Variants in MYBPC3 observed in about 807,000 individuals in gnomAD.
The protein encoded by MYBPC3 is myosin binding protein C3, also known as myosin-binding protein C, cardiac-type.
A neutral mutation model predicts 159.3 loss-of-function variants in MYBPC3; 108 were observed. The ratio of observed to expected loss-of-function variants is 0.68; its 90% confidence interval spans 0.58 to 0.80. The LOEUF (loss-of-function observed/expected upper bound fraction) is 0.80, where lower values mean the gene tolerates loss of function less well. Among genes scored for constraint, MYBPC3 ranks in the 30% least tolerant of loss-of-function variants. MYBPC3 has a pLI of 0.00. For missense variants in MYBPC3, 1,631 were observed against 1,762.1 expected, an observed-to-expected ratio of 0.93 and a Z score of 1.33; for synonymous variants, 730 against 702.0, an observed-to-expected ratio of 1.04 and a Z score of -0.63.
At position 47,343,112 on chromosome 11, in the gene MYBPC3, G is replaced by C. The variant is rs1461148074; in HGVS notation, c.1260C>G (p.Thr420=). 6.2e-7 allele frequency: 1 copy of C among 1,611,806 alleles called. No homozygotes were observed. The highest frequency in any genetic ancestry group is 1.1e-5 in the South Asian group (1 of 90,616). Residue 420 remains threonine (T), a synonymous_variant, in exon 15 of 35, where the codon ACC becomes ACG. Coordinates refer to ENST00000545968, the MANE Select transcript of MYBPC3 (RefSeq NM_000256.3). ...CCAATGAGCACTGGCTGATGGTCAG[G>C]GTACGCTTGGCACCGATGGACTCAA... ...YIFESIGAKR[T]LTISQCSLAD...
At position 47,350,055 on chromosome 11, in the gene MYBPC3, C is replaced by A. The variant is rs1060501477; in HGVS notation, c.464G>T (p.Gly155Val). 1.3e-6 allele frequency: 2 copies of A among 1,564,218 alleles called. No individual in the cohort carries two copies. Among genetic ancestry groups the A allele is most frequent in the Non-Finnish European group, 1.7e-6 (2 of 1,154,058 alleles). The change falls in exon 4 of 35, where the codon GGC (glycine) becomes GTC (valine). Residue 155 changes from glycine (G) to valine (V), a missense_variant. Transcript: ENST00000545968. ...PTPGAPDDPIGLFVMRPQDGE... is the reference protein window; with the variant it reads ...PTPGAPDDPIVLFVMRPQDGE... ...ATCCTGTGGCCGCATCACGAAGAGG[C>A]CAATGGGGTCATCGGGGGCTCCAGG...
intron 6 of MYBPC3, 78 bp downstream of exon 6, chr11:47,348,346 T>C: frequency 9.3e-7 from 1 of 1,076,278 alleles, no homozygotes. Flanking sequence ...GGCATCCTCC[T>C]TAGTGTTGGG....
rs754902004 is a variant in MYBPC3, at chr11:47,342,008, C to T, written c.1773G>A (p.Lys591=). ...GKELVPDSRI[K]VSHIGRVHKL... is the part of the protein sequence containing the mutation. ...ACACTCACCGCCCGATGTGGGACAC[C>T]TTTATGCGGCTGTCGGGCACCAGCT... Residue 591 remains lysine (K), a synonymous_variant, in exon 18 of 35, where the codon AAG becomes AAA. Coordinates refer to ENST00000545968, the MANE Select transcript of MYBPC3 (RefSeq NM_000256.3). The T allele has an allele frequency of 6.4e-7, 1 of 1,573,888 alleles. No homozygotes were observed.
In MYBPC3 at chr11:47,333,687, G is replaced by A; in HGVS notation, c.3060C>T (p.Ser1020=). The change falls in exon 29 of 35, where the codon AGC becomes AGT. Residue 1020 remains serine, a synonymous_variant. Coordinates refer to ENST00000545968, the MANE Select transcript of MYBPC3 (RefSeq NM_000256.3). The part of the protein sequence containing the change: ...EGQPLAGEEV[S]IRNSPTDTIL... Reference sequence around the variant, plus strand: ...TGGTGTCTGTGGGGCTGTTGCGGATGCTCACCTCCTCGCCTGCCAGGGGCT... The same window carrying A: ...TGGTGTCTGTGGGGCTGTTGCGGATACTCACCTCCTCGCCTGCCAGGGGCT... 2 of 1,611,248 alleles carry A rather than the reference G, an allele frequency of 1.2e-6. No homozygotes were observed. Among genetic ancestry groups the A allele is most frequent in the Non-Finnish European group, 1.7e-6 (2 of 1,179,558 alleles).
rs397516086 is a variant in MYBPC3 at position 47,346,303 on chromosome 11, C to T, written c.994G>A (p.Glu332Lys). ...TACTGGAAGGCGATGCGCTCGTACTCAGATGGGGGTGCCTGCCGTAGGATC... is the reference window on the plus strand; with the variant it reads ...TACTGGAAGGCGATGCGCTCGTACTTAGATGGGGGTGCCTGCCGTAGGATC... ...WEILRQAPPS[E>K]YERIAFQYGV... The change falls in exon 12 of 35, where the codon GAG (glutamate) becomes AAG (lysine). Residue 332 changes from glutamate to lysine, a missense_variant. Glu to Lys is a moderately conservative substitution (Grantham distance 56). Coordinates refer to ENST00000545968, the MANE Select transcript of MYBPC3 (RefSeq NM_000256.3). The surrounding 1 kb of genome is among the most constrained non-coding windows in gnomAD (Gnocchi z 5.3). The T allele has an allele frequency of 3.3e-5, 53 of 1,613,086 alleles. No homozygotes were observed. The highest frequency in any genetic ancestry group is 1.5e-4 in the Admixed American group (9 of 59,908).
Position 47,334,127 on chromosome 11 carries a change from G to C in MYBPC3, c.2906-117C>G, listed in dbSNP as rs568116912. 2,329 of 984,502 alleles carry C rather than the reference G, an allele frequency of 2.4e-3. 6 individuals carry two copies. The highest frequency in any genetic ancestry group is 3.1e-3 in the Non-Finnish European group (2,087 of 668,412). The allele number at this position is 984,502 out of a possible 1,614,324, so 61.0% of individuals were successfully genotyped here. ...GCTGCAGCTAAGAAAAAAGCTGCCT[G>C]CTGGGCCCTGCGCCTCCTTTAGCTC... On this transcript the variant is annotated intron_variant, in intron 27 of 34. Coordinates refer to ENST00000545968, the MANE Select transcript of MYBPC3 (RefSeq NM_000256.3).
chr11:47,345,222 C>T (rs1423491660), intron 12 of MYBPC3, among the ~76,000 whole-genome samples: 1 of 152,236 alleles, frequency 6.6e-6, no homozygotes, highest in Non-Finnish European at 1.5e-5. Flanking sequence ...GCCCTCTGGG[C>T]TCAGCAGTTC....
chr11:47,348,047 A>C, intron 6 of MYBPC3, 142 bp from the exon 7 acceptor site: 3 of 835,530 alleles, frequency 3.6e-6, no homozygotes, highest in Non-Finnish European at 5.8e-6. Context: ...CCAGGATCTC[A>C]CCTTCCCAGC....
Position 47,349,821 on chromosome 11 carries a change from C to G in MYBPC3, c.607G>C (p.Val203Leu), listed in dbSNP as rs1387071502. 6.2e-7 allele frequency: 1 copy of G among 1,611,178 alleles called. No individual in the cohort carries two copies. Among genetic ancestry groups the G allele is most frequent in the Non-Finnish European group, 8.5e-7 (1 of 1,179,710 alleles). The change falls in exon 5 of 35, where the codon GTG becomes CTG. Residue 203 changes from valine (V) to leucine (L), a missense_variant. Transcript: ENST00000545968. ...TCGTGCAGCTGCAGGTGCTGGCCCA[C>G]CTTGCTGCTCAGGTCCACCCATTTG... ...KGKWVDLSSK[V>L]GQHLQLHDSY...
At position 47,346,143 on chromosome 11, in the gene MYBPC3, T is replaced by C. The variant is rs2095893785; in HGVS notation, c.1090+64A>G. On this transcript the variant is annotated intron_variant, in intron 12 of 34. Transcript: ENST00000545968. The surrounding 1 kb of genome is among the most constrained non-coding windows in gnomAD (Gnocchi z 5.3). ...TGGGGAAGGGCTAACCTATGCCCTC[T>C]CCTCTCCTGTGTAGGGAAGGGCTAG... 6.3e-7 allele frequency: 1 copy of C among 1,598,102 alleles called. No individual in the cohort carries two copies. Among genetic ancestry groups the C allele is most frequent in the East Asian group, 2.2e-5 (1 of 44,628 alleles).
At chr11:47,333,045 C>G in intron 30 of MYBPC3, 72 bp from the exon 31 acceptor site, 1 of 1,544,328 alleles carries the variant, frequency 6.5e-7, no homozygotes, top group Admixed American at 1.9e-5. Context: ...CTCCTGGGTG[C>G]CCTTGGCATC....
In MYBPC3 at chr11:47,343,242, A is replaced by G. The variant is rs751430441; in HGVS notation, c.1226+18T>C. On this transcript the variant is annotated intron_variant, in intron 14 of 34. Coordinates refer to ENST00000545968, the MANE Select transcript of MYBPC3 (RefSeq NM_000256.3). ...ATCCCTGTGCCCCCCACCCCAAGCC[A>G]TCCAGAGGGGAACTTACTTGCTGTA... The G allele has an allele frequency of 1.9e-6, 3 of 1,570,318 alleles. No individual in the cohort carries two copies. The highest frequency in any genetic ancestry group is 3.5e-5 in the Admixed American group (2 of 57,558).
At chr11:47,336,489 C>CAAA (rs34527074) in intron 25 of MYBPC3, 16 of 67,560 alleles carry the variant, frequency 2.4e-4, no homozygotes, top group East Asian at 5.0e-4. Context: ...GACTCCATCT[C>CAAA]AAAAAAAAAA....
Position 47,342,650 on chromosome 11 carries a change from T to C in MYBPC3, c.1552A>G (p.Met518Val), listed in dbSNP as rs2095889939. The change falls in exon 17 of 35, where the codon ATG (methionine) becomes GTG (valine). Residue 518 changes from methionine to valine, a missense_variant. Met to Val is a conservative substitution (Grantham distance 21, BLOSUM62 1). Transcript: ENST00000545968. ...QRHHLIINEA[M>V]LEDAGHYALC... ...GCATAGTGCCCCGCGTCCTCCAGCA[T>C]GGCCTCGTTGATGATCAGGTGGTGT... 1 of 1,613,898 alleles carries C rather than the reference T, an allele frequency of 6.2e-7. No individual in the cohort carries two copies.
intron 27 of MYBPC3, 123 bp downstream of exon 27, chr11:47,334,919 C>T (rs778085231): frequency 1.2e-4 from 140 of 1,185,382 alleles, no homozygotes; most frequent in Non-Finnish European, 1.4e-4. Flanking sequence ...CCAACCCCTC[C>T]TGTCTCTGCC....
chr11:47,341,958 C>T (rs2095889029), intron 18 of MYBPC3, 33 bp downstream of exon 18: 1 of 1,551,840 alleles, frequency 6.4e-7, no homozygotes, highest in Admixed American at 2.0e-5. Flanking sequence ...TCTCAGTCTC[C>T]ACCTGTCCCA....
In MYBPC3 at chr11:47,342,645, C is replaced by A. The variant is rs778105166; in HGVS notation, c.1557G>T (p.Leu519=). The change falls in exon 17 of 35, where the codon CTG becomes CTT. Residue 519 remains leucine, a synonymous_variant. Coordinates refer to ENST00000545968, the MANE Select transcript of MYBPC3 (RefSeq NM_000256.3). ...RHHLIINEAM[L]EDAGHYALCT... ...ACAGTGCATAGTGCCCCGCGTCCTC[C>A]AGCATGGCCTCGTTGATGATCAGGT... is the stretch of plus-strand genomic sequence containing the variant. 6.8e-6 allele frequency: 11 copies of A among 1,614,014 alleles called. No individual in the cohort carries two copies. The South Asian group carries it at 1.2e-4, about 18-fold the overall frequency.
chr11:47,341,927 C>T, intron 18 of MYBPC3, 64 bp downstream of exon 18: 1 of 1,537,550 alleles, frequency 6.5e-7, no homozygotes, highest in African/African-American at 1.4e-5. Context: ...CTGTTTCTCC[C>T]TGTGTCTCTC....
rs752355863 is a variant in MYBPC3, at chr11:47,331,615, G to A, written c.*128C>T. ...ACAACTGCCCTGCTGATCCCCCATC[G>A]CAGCACAGGAGACACACTTGTCACA... On this transcript the variant is annotated 3_prime_UTR_variant, in exon 35 of 35. Transcript: ENST00000545968. 35 of 525,944 alleles carry A rather than the reference G, an allele frequency of 6.7e-5. No individual in the cohort carries two copies. The highest frequency in any genetic ancestry group is 8.8e-5 in the Non-Finnish European group (26 of 293,874). The allele number at this position is 525,944 out of a possible 1,614,324, so 32.6% of individuals were successfully genotyped here. A position where few individuals can be genotyped will look rare whatever the true frequency, so the allele number is the denominator to read the frequency against.
Sources: gnomAD v4.1 joint callset for allele counts (sites outside exome capture counted in the v4.1 genomes callset) on GRCh38, gnomAD v4.1.1 for gene constraint, Gnocchi (gnomAD v3.1) non-coding constraint, MANE v1.5 for transcripts, NCBI Gene and HGNC (gene_info 2026-07-23, HGNC 2026-07-21) for gene names.